The following GALNTL6 variants were observed in gnomAD, a reference collection of about 807,000 sequenced individuals.
GALNTL6 encodes the protein polypeptide N-acetylgalactosaminyltransferase like 6.
In GALNTL6, 46 loss-of-function variants were observed where a neutral mutation model predicts 73.7. That is an observed-to-expected ratio of 0.62 (90% confidence interval 0.49 to 0.80). GALNTL6 has a LOEUF of 0.80. Among genes scored for constraint, GALNTL6 ranks in the 30% least tolerant of loss-of-function variants. GALNTL6 has a pLI of 0.00. For missense variants in GALNTL6, 604 were observed against 755.0 expected, an observed-to-expected ratio of 0.80 and a Z score of 2.34; for synonymous variants, 259 against 263.7, an observed-to-expected ratio of 0.98 and a Z score of 0.17.
At chr4:172,723,157 C>G (rs993880347) in intron 5 of GALNTL6, among the ~76,000 whole-genome samples, 1 of 152,140 alleles carries the variant, frequency 6.6e-6, no homozygotes, top group Non-Finnish European at 1.5e-5. Context: ...AAAGGATCTG[C>G]GTGGTTAGGT....
chr4:172,485,949 A>G (rs529558075), intron 5 of GALNTL6, among the ~76,000 whole-genome samples: 1 of 152,250 alleles, frequency 6.6e-6, no homozygotes, highest in East Asian at 1.9e-4. Flanking sequence ...AGAGCATGTA[A>G]ACCATCTATG....
chr4:172,146,078 G>A (rs753783958), intron 2 of GALNTL6, among the ~76,000 whole-genome samples: 13 of 152,082 alleles, frequency 8.5e-5, no homozygotes, highest in African/African-American at 1.2e-4. Context: ...AAAACAAGAA[G>A]AACATCTTTC....
chr4:172,065,573 A>AT (rs942853473), intron 2 of GALNTL6, among the ~76,000 whole-genome samples: 12 of 150,218 alleles, frequency 8.0e-5, no homozygotes, highest in Middle Eastern at 3.5e-3. Flanking sequence ...AAAAAGACTA[A>AT]TTTTTTTTTT....
At chr4:172,424,802 C>A (rs191887511) in intron 5 of GALNTL6, among the ~76,000 whole-genome samples, 1 of 151,924 alleles carries the variant, frequency 6.6e-6, no homozygotes, top group African/African-American at 2.4e-5. Context: ...ATGGCCATGA[C>A]CAAATGCAAG....
At chr4:172,251,959 G>A (rs184012805) in intron 3 of GALNTL6, among the ~76,000 whole-genome samples, 397 of 152,232 alleles carry the variant, frequency 2.6e-3, no homozygotes, top group Non-Finnish European at 4.6e-3. Context: ...AGAATTTATA[G>A]CAAGTATAGA....
At chr4:172,946,400 AAAT>A (rs1174808519) in intron 9 of GALNTL6, among the ~76,000 whole-genome samples, 9 of 152,192 alleles carry the variant, frequency 5.9e-5, no homozygotes, top group African/African-American at 1.2e-4. Flanking sequence ...TTGCTGGTAA[AAAT>A]AATAATAATT....
chr4:172,757,367 A>G (rs1737809672), intron 5 of GALNTL6, among the ~76,000 whole-genome samples: 1 of 152,226 alleles, frequency 6.6e-6, no homozygotes, highest in South Asian at 2.1e-4. Flanking sequence ...TCAGAAATTA[A>G]TGTACTATGG....
At chr4:172,590,128 ACT>A (rs1393411816) in intron 5 of GALNTL6, among the ~76,000 whole-genome samples, 2 of 152,066 alleles carry the variant, frequency 1.3e-5, no homozygotes, top group African/African-American at 4.8e-5. Flanking sequence ...ACCTCAAGTC[ACT>A]CTCCTCTGTT....
rs1182496258 is a variant in GALNTL6, at chr4:172,070,096, C to T, written c.139-159560C>T. 3.7e-5 allele frequency among the ~76,000 whole-genome samples: 4 copies of T among 108,544 alleles called. 2 individuals carry two copies. Among genetic ancestry groups the T allele is most frequent in the Non-Finnish European group, 8.2e-5 (4 of 48,942 alleles). 71.2% of individuals were successfully genotyped at this position (108,544 alleles called of 152,430 possible). A position where few individuals can be genotyped will look rare whatever the true frequency, so the allele number is the denominator to read the frequency against. ...TTCCCAGCAGGAGAAATAGTAATGT[C>T]GCTGTTTTGCTATTCTAGAAGTGGT... On this transcript the variant is annotated intron_variant, in intron 2 of 12. Transcript: ENST00000506823.
chr4:172,013,858 T>C (rs1459060403), intron 2 of GALNTL6, among the ~76,000 whole-genome samples: 2 of 131,896 alleles, frequency 1.5e-5, no homozygotes, highest in Non-Finnish European at 3.2e-5. Context: ...ACCCCCCAGC[T>C]CCTGAGCCCC....
chr4:172,973,450 A>C (rs1472457133), intron 10 of GALNTL6, among the ~76,000 whole-genome samples: 1 of 152,220 alleles, frequency 6.6e-6, no homozygotes, highest in Non-Finnish European at 1.5e-5. Flanking sequence ...CCAAATCTAG[A>C]ATGTAGGAAT....
intron 2 of GALNTL6, among the ~76,000 whole-genome samples, chr4:171,892,489 T>C (rs946963470): frequency 1.3e-5 from 2 of 152,184 alleles, no homozygotes; most frequent in Non-Finnish European, 1.5e-5. Flanking sequence ...ACAATATGAA[T>C]CAGGTGTTAT....
chr4:172,713,262 G>GTGTGTGTGTGTGTGTGTGTGTT, intron 5 of GALNTL6, among the ~76,000 whole-genome samples: 2 of 125,888 alleles, frequency 1.6e-5, no homozygotes, highest in African/African-American at 6.6e-5. Flanking sequence ...GTGTGTGTGT[G>GTGTGTGTGTGTGTGTGTGTGTT]TGTGTTTAGA....
intron 5 of GALNTL6, among the ~76,000 whole-genome samples, chr4:172,524,435 A>T (rs1344577041): frequency 2.6e-5 from 4 of 151,734 alleles, no homozygotes; most frequent in Non-Finnish European, 1.5e-5. Context: ...ATTTTTAGTA[A>T]AGACAGGGTT....
chr4:172,059,020 T>C (rs997605216), intron 2 of GALNTL6, among the ~76,000 whole-genome samples: 1 of 152,200 alleles, frequency 6.6e-6, no homozygotes, highest in African/African-American at 2.4e-5. Flanking sequence ...TATCAGGGCA[T>C]CTTTTGTTGC....
intron 5 of GALNTL6, among the ~76,000 whole-genome samples, chr4:172,478,415 G>A (rs377647816): frequency 6.6e-6 from 1 of 152,240 alleles, no homozygotes; most frequent in South Asian, 2.1e-4. Flanking sequence ...CTAGGGAAAG[G>A]GCACTCTATT....
At chr4:172,070,489 T>C (rs1345102922) in intron 2 of GALNTL6, among the ~76,000 whole-genome samples, 1 of 109,526 alleles carries the variant, frequency 9.1e-6, no homozygotes, top group Non-Finnish European at 2.0e-5. Context: ...AATTAATGGA[T>C]TAATGTCACT....
At chr4:172,299,747 T>A (rs1739837889) in intron 3 of GALNTL6, among the ~76,000 whole-genome samples, 1 of 152,188 alleles carries the variant, frequency 6.6e-6, no homozygotes, top group Admixed American at 6.5e-5. Flanking sequence ...TTGTTATAAT[T>A]TCTGTTCTTT....
chr4:172,191,496 C>T (rs1275871672), intron 2 of GALNTL6, among the ~76,000 whole-genome samples: 1 of 152,082 alleles, frequency 6.6e-6, no homozygotes, highest in Non-Finnish European at 1.5e-5. Context: ...AGCCCAAACC[C>T]CTCAGCTACT....
Sources: allele counts gnomAD v4.1 joint callset (sites outside exome capture counted in the v4.1 genomes callset), GRCh38; gene constraint gnomAD v4.1.1; transcripts MANE v1.5; gene names NCBI Gene and HGNC (gene_info 2026-07-23, HGNC 2026-07-21).